The following TMEM51 variants were observed in gnomAD, a reference collection of about 807,000 sequenced individuals.
TMEM51 encodes the protein transmembrane protein 51.
TMEM51 carries 8 observed loss-of-function variants against 13.6 expected under a neutral mutation model. That is an observed-to-expected ratio of 0.59 (90% CI 0.35 to 1.07). TMEM51 has a LOEUF of 1.07. TMEM51 is among the 50% of genes least tolerant of loss of function. The pLI is 0.02. For missense variants in TMEM51, 279 were observed against 330.7 expected (o/e 0.84, Z 1.21); for synonymous variants, 147 against 144.4 (o/e 1.02, Z -0.13).
intron 1 of TMEM51, among the ~76,000 whole-genome samples, chr1:15,162,759 C>T (rs530091513): frequency 6.6e-6 from 1 of 152,066 alleles, no homozygotes; most frequent in Non-Finnish European, 1.5e-5. Context: ...TGAAATAAGC[C>T]AGTCACAAAA....
chr1:15,219,184 A>C (rs1468522144), intron 3 of TMEM51, 142 bp from the exon 4 acceptor site: 3 of 798,178 alleles, frequency 3.8e-6, no homozygotes, highest in Non-Finnish European at 5.8e-6. Context: ...TAAACACTTG[A>C]AGTATTCACT....
Position 15,193,201 on chromosome 1 carries a change from C to T in TMEM51, c.-266-17289C>T, listed in dbSNP as rs564028911. Among the ~76,000 whole-genome samples the T allele has an allele frequency of 8.5e-5, 13 of 152,336 alleles. 1 individual carries two copies. In the South Asian group the frequency reaches 2.5e-3, roughly 29 times the overall value. Reference sequence around the variant, plus strand: ...GGGGGTTTCTGAATTAGAGCCATTCCAGGTGACCCATGGAGGTACCTCTCC... The same window carrying T: ...GGGGGTTTCTGAATTAGAGCCATTCTAGGTGACCCATGGAGGTACCTCTCC... On this transcript the variant is annotated intron_variant, in intron 1 of 3. Coordinates refer to ENST00000376008, the MANE Select transcript of TMEM51 (RefSeq NM_001136218.2).
intron 1 of TMEM51, among the ~76,000 whole-genome samples, chr1:15,201,731 A>G (rs922533617): frequency 6.6e-6 from 1 of 152,206 alleles, no homozygotes; most frequent in Non-Finnish European, 1.5e-5. Flanking sequence ...GCTCAATACC[A>G]AAAGAGCTCT....
At chr1:15,171,124 A>G (rs1483719448) in intron 1 of TMEM51, 2 of 368,222 alleles carry the variant, frequency 5.4e-6, no homozygotes, top group Admixed American at 6.5e-5. Context: ...CACATCCCCC[A>G]CCCCCAGTTG....
At chr1:15,216,254 A>G (rs1481310013) in intron 3 of TMEM51, among the ~76,000 whole-genome samples, 1 of 152,172 alleles carries the variant, frequency 6.6e-6, no homozygotes, top group Non-Finnish European at 1.5e-5. Context: ...AAATGCCACC[A>G]ACAAATTTAA....
In TMEM51 at chr1:15,219,571, G is replaced by A. The variant is rs775297733; in HGVS notation, c.590G>A (p.Arg197Gln). Residue 197 changes from arginine to glutamine, a missense_variant, in exon 4 of 4, where the codon CGA becomes CAA. Physicochemically the swap from Arg to Gln is conservative, Grantham distance 43. Transcript: ENST00000376008. ...PDRQNSKLAK[R>Q]LKPLKVRRIK... ...AGGCAGAACTCTAAGTTGGCCAAACGACTGAAACCGCTGAAAGTTCGAAGG... is the reference window on the plus strand; with the variant it reads ...AGGCAGAACTCTAAGTTGGCCAAACAACTGAAACCGCTGAAAGTTCGAAGG... 11 of 1,614,010 alleles carry A rather than the reference G, an allele frequency of 6.8e-6. No homozygotes were observed. Among genetic ancestry groups the A allele is most frequent in the Middle Eastern group, 1.6e-4 (1 of 6,062 alleles).
chr1:15,168,302 C>T (rs1447810458), intron 1 of TMEM51, among the ~76,000 whole-genome samples: 1 of 152,164 alleles, frequency 6.6e-6, no homozygotes, highest in Non-Finnish European at 1.5e-5. Context: ...TTTTCTGTGG[C>T]AGGTCAGTAG....
intron 2 of TMEM51, among the ~76,000 whole-genome samples, chr1:15,214,069 T>A (rs566553290): frequency 6.8e-6 from 1 of 147,102 alleles, no homozygotes; most frequent in East Asian, 2.1e-4. Context: ...GCCAGGATGG[T>A]CTTGATCTCT....
In TMEM51 at chr1:15,215,258, C is replaced by T; in HGVS notation, c.171C>T (p.Ile57=). The T allele has an allele frequency of 6.2e-7, 1 of 1,614,242 alleles. No homozygotes were observed. The highest frequency in any genetic ancestry group is 8.5e-7 in the Non-Finnish European group (1 of 1,180,046). Residue 57 remains isoleucine, a synonymous_variant, in exon 3 of 4, where the codon ATC becomes ATT. Coordinates refer to ENST00000376008, the MANE Select transcript of TMEM51 (RefSeq NM_001136218.2). ...ACAAGACCGAGGTGGGTGGCGGCAT[C>T]CTCAAGAGCAAGACCTTCTCTGTGG... is the stretch of plus-strand genomic sequence containing the variant. The part of the protein sequence containing the change: ...GSNKTEVGGG[I]LKSKTFSVAY...
At chr1:15,159,139 G>A (rs2100809054) in intron 1 of TMEM51, among the ~76,000 whole-genome samples, 1 of 152,308 alleles carries the variant, frequency 6.6e-6, no homozygotes, top group Non-Finnish European at 1.5e-5. Context: ...CTCGGCTTAT[G>A]CTAAGGATAC....
intron 1 of TMEM51, among the ~76,000 whole-genome samples, chr1:15,189,509 G>C (rs960046931): frequency 6.6e-6 from 1 of 152,096 alleles, no homozygotes; most frequent in African/African-American, 2.4e-5. Flanking sequence ...TCATCTTTTG[G>C]ATCTAAACAC....
At chr1:15,157,687 C>T (rs559398387) in intron 1 of TMEM51, among the ~76,000 whole-genome samples, 282 of 152,236 alleles carry the variant, frequency 1.9e-3, no homozygotes, top group African/African-American at 6.4e-3. Context: ...AGTGTGTCTG[C>T]GCATTTCCAG....
At chr1:15,187,996 C>T (rs925047689) in intron 1 of TMEM51, among the ~76,000 whole-genome samples, 2 of 152,190 alleles carry the variant, frequency 1.3e-5, no homozygotes, top group Non-Finnish European at 2.9e-5. Context: ...ACCAAGCTGG[C>T]CTCAGAAAAG....
chr1:15,164,780 G>A (rs1280503964), intron 1 of TMEM51, among the ~76,000 whole-genome samples: 3 of 150,516 alleles, frequency 2.0e-5, no homozygotes, highest in African/African-American at 4.9e-5. Context: ...GAATCCATGC[G>A]GGAGCTTTGC....
At chr1:15,217,655 C>G (rs1460763464) in intron 3 of TMEM51, among the ~76,000 whole-genome samples, 1 of 152,036 alleles carries the variant, frequency 6.6e-6, no homozygotes, top group African/African-American at 2.4e-5. Context: ...AGATCCTAGT[C>G]TGAGAGCAGG....
chr1:15,195,590 T>C (rs922471552), intron 1 of TMEM51, among the ~76,000 whole-genome samples: 6 of 152,184 alleles, frequency 3.9e-5, no homozygotes, highest in African/African-American at 1.4e-4. Flanking sequence ...CTCTAGGATG[T>C]TCTAGCTCCT....
chr1:15,173,706 C>T (rs1343391360), intron 1 of TMEM51, among the ~76,000 whole-genome samples: 2 of 151,104 alleles, frequency 1.3e-5, no homozygotes, highest in Admixed American at 1.3e-4. Flanking sequence ...CAAAATTCAT[C>T]TGTCAAAGAA....
At chr1:15,215,931 G>A (rs1644424653) in intron 3 of TMEM51, among the ~76,000 whole-genome samples, 1 of 152,124 alleles carries the variant, frequency 6.6e-6, no homozygotes, top group Non-Finnish European at 1.5e-5. Flanking sequence ...GGAGGCTGAG[G>A]CATGAGAATC....
intron 1 of TMEM51, chr1:15,192,402 C>A: frequency 2.5e-6 from 1 of 407,838 alleles, no homozygotes; most frequent in East Asian, 6.9e-5. Flanking sequence ...AATCCTTGCT[C>A]CAGGTCAGCG....
Sources: allele counts gnomAD v4.1 joint callset (sites outside exome capture counted in the v4.1 genomes callset), GRCh38; gene constraint gnomAD v4.1.1; transcripts MANE v1.5; gene names NCBI Gene and HGNC (gene_info 2026-07-23, HGNC 2026-07-21).